The following CDKL5 variants were observed in gnomAD, a reference collection of about 807,000 sequenced individuals.
The protein encoded by CDKL5 is cyclin dependent kinase like 5.
In CDKL5, 8 loss-of-function variants were observed where a neutral mutation model predicts 61.7. The ratio of observed to expected loss-of-function variants is 0.13; its 90% CI spans 0.08 to 0.23. The LOEUF (loss-of-function observed/expected upper bound fraction) is 0.23, where lower values mean the gene tolerates loss of function less well. Ranked by LOEUF, CDKL5 falls within the 10% of genes least tolerant of loss-of-function variation. The pLI is 1.00. For synonymous variants in CDKL5, 275 were observed against 272.3 expected, an observed-to-expected ratio of 1.01 and a Z score of -0.10; for missense variants, 440 against 734.5, an observed-to-expected ratio of 0.60 and a Z score of 4.63.
At chrX:18,642,962 T>C (rs1374633939), downstream of CDKL5, among the ~76,000 whole-genome samples, 5 of 111,039 alleles carry the variant, frequency 4.5e-5, no homozygotes, top group Non-Finnish European at 9.4e-5. Flanking sequence ...GGAGAATTAC[T>C]TGAACCCGGG....
At chrX:18,621,115 A>G in intron 16 of CDKL5, among the ~76,000 whole-genome samples, 1 of 112,260 alleles carries the variant, frequency 8.9e-6, no homozygotes, top group Middle Eastern at 4.6e-3. Flanking sequence ...AAAAAGACAC[A>G]ATCAAAATGG....
chrX:18,478,339 G>A (rs1484477416), intron 1 of CDKL5, among the ~76,000 whole-genome samples: 1 of 96,030 alleles, frequency 1.0e-5, no homozygotes, highest in African/African-American at 3.9e-5. Context: ...CGCCCAGGTT[G>A]GAGTGCAGTG....
At chrX:18,597,442 T>C (rs937674459) in intron 10 of CDKL5, among the ~76,000 whole-genome samples, 3 of 110,222 alleles carry the variant, frequency 2.7e-5, no homozygotes, top group African/African-American at 9.9e-5. Flanking sequence ...AGACTAGCTG[T>C]AGTAATTATA....
At chrX:18,433,293 T>C (rs749072507) in intron 1 of CDKL5, among the ~76,000 whole-genome samples, 100 of 110,312 alleles carry the variant, frequency 9.1e-4, no homozygotes, top group Non-Finnish European at 1.1e-3. Context: ...GGCTCACGCC[T>C]GTAATCCCTA....
chrX:18,437,741 G>A lies in CDKL5; in HGVS notation c.-163+12046G>A, dbSNP rs200920415. 2.8e-4 allele frequency among the ~76,000 whole-genome samples: 32 copies of A among 112,298 alleles called. No homozygotes were observed. In the East Asian group the frequency reaches 8.7e-3, roughly 30 times the overall value. ...ACATTTTATGTTCAGGTGGGCTTAT[G>A]TATATATAAGTGCTATAAAGGTGTT... On this transcript the variant is annotated intron_variant, in intron 1 of 17. Transcript: ENST00000623535.
At chrX:18,512,670 TAATA>T (rs1922869985) in intron 3 of CDKL5, among the ~76,000 whole-genome samples, 1 of 111,123 alleles carries the variant, frequency 9.0e-6, no homozygotes, top group African/African-American at 3.2e-5. Context: ...GAATTTAAAA[TAATA>T]AATATAATAA....
At chrX:18,508,207 A>G (rs934465509) in intron 2 of CDKL5, among the ~76,000 whole-genome samples, 2 of 112,633 alleles carry the variant, frequency 1.8e-5, no homozygotes, top group Non-Finnish European at 3.7e-5. Flanking sequence ...AGAATTTTCA[A>G]ATAAACTCTG....
chrX:18,652,740 T>C (rs1928106895), intron 21 of CDKL5, among the ~76,000 whole-genome samples: 1 of 112,279 alleles, frequency 8.9e-6, no homozygotes, highest in Admixed American at 9.4e-5. Context: ...CCACCCAGTG[T>C]CACTTTGCTG....
chrX:18,498,885 T>G (rs1206246357), intron 1 of CDKL5, among the ~76,000 whole-genome samples: 1 of 111,530 alleles, frequency 9.0e-6, no homozygotes, highest in Non-Finnish European at 1.9e-5. Flanking sequence ...TTCTCGTGCC[T>G]CAGCCTCCTG....
chrX:18,608,016 T>C (rs1030611591), intron 12 of CDKL5, among the ~76,000 whole-genome samples: 3 of 112,072 alleles, frequency 2.7e-5, no homozygotes, highest in African/African-American at 6.5e-5. Flanking sequence ...TATACAGATA[T>C]ACGATGCAGC....
At chrX:18,435,629 C>T (rs1931593647) in intron 1 of CDKL5, among the ~76,000 whole-genome samples, 2 of 111,197 alleles carry the variant, frequency 1.8e-5, no homozygotes, top group South Asian at 3.8e-4. Flanking sequence ...TGCAGTGGTG[C>T]GATCTTGGCT....
chrX:18,526,781 T>C (rs1319775450), intron 3 of CDKL5, among the ~76,000 whole-genome samples: 6 of 110,619 alleles, frequency 5.4e-5, no homozygotes, highest in Non-Finnish European at 9.5e-5. Flanking sequence ...GAAGCAGCCT[T>C]TCTTTCTTTT....
At chrX:18,594,235 C>T (rs1925919713) in intron 9 of CDKL5, among the ~76,000 whole-genome samples, 1 of 111,980 alleles carries the variant, frequency 8.9e-6, no homozygotes, top group South Asian at 3.7e-4. Context: ...CTAGCCCTGA[C>T]ATTTGGAAGG....
At chrX:18,605,003 C>T in intron 12 of CDKL5, 135 bp downstream of exon 12, 1 of 732,557 alleles carries the variant, frequency 1.4e-6, no homozygotes, top group Non-Finnish European at 2.1e-6. Context: ...TTTAGGGAAG[C>T]AATACTTGGC....
intron 3 of CDKL5, among the ~76,000 whole-genome samples, chrX:18,539,637 C>A (rs751013515): frequency 6.7e-4 from 75 of 111,481 alleles, no homozygotes; most frequent in African/African-American, 2.4e-3. Context: ...TGTGTTCTGT[C>A]TTGGTGAATA....
chrX:18,568,104 C>T (rs188338077), intron 4 of CDKL5, among the ~76,000 whole-genome samples: 1 of 112,249 alleles, frequency 8.9e-6, no homozygotes, highest in African/African-American at 3.2e-5. Context: ...TATGGTTTCT[C>T]ATGAACGCAT....
chrX:18,589,199 T>A (rs1925743113), intron 9 of CDKL5: 1 of 110,480 alleles, frequency 9.1e-6, no homozygotes, highest in South Asian at 3.9e-4. Flanking sequence ...CATGCAAGTT[T>A]GTTACATATG....
chrX:18,455,388 T>C (rs1452987806), intron 1 of CDKL5, among the ~76,000 whole-genome samples: 1 of 112,663 alleles, frequency 8.9e-6, no homozygotes, highest in East Asian at 2.8e-4. Context: ...ACCAGAGGAA[T>C]TGACAGTTTT....
intron 3 of CDKL5, among the ~76,000 whole-genome samples, chrX:18,519,704 G>A (rs1351484094): frequency 1.8e-5 from 2 of 111,509 alleles, no homozygotes; most frequent in Non-Finnish European, 3.8e-5. Context: ...ACCCAAAGAC[G>A]AATACGAAGA....
Sources: gnomAD v4.1 joint callset for allele counts (sites outside exome capture counted in the v4.1 genomes callset) on GRCh38, gnomAD v4.1.1 for gene constraint, MANE v1.5 for transcripts, NCBI Gene and HGNC (gene_info 2026-07-23, HGNC 2026-07-21) for gene names.